ABHD17C: variants seen among roughly 807,000 people sequenced by gnomAD.
The protein encoded by ABHD17C is abhydrolase domain containing 17C, depalmitoylase, also known as alpha/beta hydrolase domain-containing protein 17C.
Under a neutral mutation model 27.9 loss-of-function variants are expected in ABHD17C, and 11 were observed. That is an observed-to-expected ratio of 0.39 (90% CI 0.25 to 0.65). ABHD17C has a LOEUF of 0.65. ABHD17C is among the 30% of genes least tolerant of loss of function. The probability of loss-of-function intolerance (pLI) is 0.45; values close to 1 mark genes in which losing one functional copy is unlikely to be tolerated. For synonymous variants in ABHD17C, 233 were observed against 209.1 expected (o/e 1.11, Z -0.98); for missense variants, 280 against 470.2 (o/e 0.60, Z 3.74).
intron 1 of ABHD17C, among the ~76,000 whole-genome samples, chr15:80,738,987 G>A (rs1195255320): frequency 6.6e-6 from 1 of 152,128 alleles, no homozygotes; most frequent in Non-Finnish European, 1.5e-5. Context: ...GCCAGAAAGG[G>A]GTGAGGATTG....
intron 1 of ABHD17C, among the ~76,000 whole-genome samples, chr15:80,710,225 A>G (rs1350429868): frequency 4.6e-5 from 7 of 152,202 alleles, no homozygotes; most frequent in Non-Finnish European, 8.8e-5. Flanking sequence ...GAGATCATCA[A>G]GGAAGCCAGC....
At chr15:80,741,438 ATTAAG>A (rs1053748516) in intron 1 of ABHD17C, among the ~76,000 whole-genome samples, 7 of 151,148 alleles carry the variant, frequency 4.6e-5, no homozygotes, top group Admixed American at 2.8e-4. Context: ...CTTTTTTCTT[ATTAAG>A]TTGAGAACTT....
intron 2 of ABHD17C, among the ~76,000 whole-genome samples, chr15:80,752,670 A>G (rs750503317): frequency 9.9e-5 from 15 of 152,236 alleles, no homozygotes; most frequent in Non-Finnish European, 1.8e-4. Flanking sequence ...ACTAATTGGT[A>G]TCCTTTTGTA....
chr15:80,748,047 A>C (rs568345032), intron 1 of ABHD17C, among the ~76,000 whole-genome samples: 4 of 152,282 alleles, frequency 2.6e-5, no homozygotes, highest in African/African-American at 9.6e-5. Flanking sequence ...TCTCCCATAG[A>C]AAGTCCTCAC....
chr15:80,719,598 T>C (rs1020189584), intron 1 of ABHD17C, among the ~76,000 whole-genome samples: 1 of 152,248 alleles, frequency 6.6e-6, no homozygotes, highest in Non-Finnish European at 1.5e-5. Flanking sequence ...GGGATATGTG[T>C]TATGCTAGAG....
intron 1 of ABHD17C, among the ~76,000 whole-genome samples, chr15:80,745,178 G>A (rs547945830): frequency 6.6e-6 from 1 of 152,148 alleles, no homozygotes; most frequent in Non-Finnish European, 1.5e-5. Context: ...CAACCCCCAG[G>A]AAGGACATCC....
At chr15:80,726,468 C>CCCTTCT (rs547527952) in intron 1 of ABHD17C, among the ~76,000 whole-genome samples, 173 of 147,936 alleles carry the variant, frequency 1.2e-3, no homozygotes, top group African/African-American at 4.2e-3. Context: ...CAAGGATTTT[C>CCCTTCT]CCTTCTCCCT....
At position 80,695,544 on chromosome 15, in the gene ABHD17C, G is replaced by T; in HGVS notation, c.115G>T (p.Glu39Ter). 7.4e-7 allele frequency: 1 copy of T among 1,352,668 alleles called. No homozygotes were observed. The highest frequency in any genetic ancestry group is 9.6e-7 in the Non-Finnish European group (1 of 1,038,140). The allele number at this position is 1,352,668 out of a possible 1,614,324, so 83.8% of individuals were successfully genotyped here. A position where few individuals can be genotyped will look rare whatever the true frequency, so the allele number is the denominator to read the frequency against. Residue 39 changes from glutamate (E) to a stop codon, truncating the protein, a stop_gained, in exon 1 of 3, where the codon GAG becomes TAG. Transcript: ENST00000258884. LOFTEE classifies it high-confidence loss of function. This position sits in a 1 kb window ranked among gnomAD's most constrained non-coding sequence, Gnocchi z 4.3. ...IAAKLAFLPP[E>*]PTYTVLAPEQ... ...CGCCAAGCTGGCCTTCCTGCCGCCC[G>T]AGCCCACCTACACGGTGCTGGCGCC...
intron 1 of ABHD17C, among the ~76,000 whole-genome samples, chr15:80,698,491 C>T (rs1261003777): frequency 6.6e-6 from 1 of 152,202 alleles, no homozygotes; most frequent in Non-Finnish European, 1.5e-5. Context: ...GGCGGCAAAT[C>T]AGCAGTAGGT....
intron 1 of ABHD17C, among the ~76,000 whole-genome samples, chr15:80,748,394 GTAA>G: frequency 6.6e-6 from 1 of 152,258 alleles, no homozygotes; most frequent in African/African-American, 2.4e-5. Context: ...AATTTACAAA[GTAA>G]CAGCGTTCCA....
intron 2 of ABHD17C, among the ~76,000 whole-genome samples, 157 bp downstream of exon 2, chr15:80,749,849 A>G (rs1337319212): frequency 1.3e-5 from 2 of 152,224 alleles, no homozygotes; most frequent in Non-Finnish European, 2.9e-5. Context: ...TATGACACAC[A>G]CTGTCCAGAG....
In ABHD17C at chr15:80,710,223, C is replaced by T. The variant is rs1286926600; in HGVS notation, c.590+14204C>T. 3.3e-5 allele frequency among the ~76,000 whole-genome samples: 5 copies of T among 152,178 alleles called. No homozygotes were observed. The Middle Eastern group carries it at 0.01, about 311-fold the overall frequency. ...CATGGTTGGCAGATGTAGAGATCAT[C>T]AAGGAAGCCAGCGGGGGGCTAGAGC... On this transcript the variant is annotated intron_variant, in intron 1 of 2. Transcript: ENST00000258884.
intron 1 of ABHD17C, among the ~76,000 whole-genome samples, chr15:80,705,367 G>GTGTGTGTGTGTGTGTGTGTGTGTGT (rs57722326): frequency 8.3e-4 from 124 of 150,144 alleles, no homozygotes; most frequent in South Asian, 1.3e-3. Context: ...GTGTGTGTGT[G>GTGTGTGTGTGTGTGTGTGTGTGTGT]GTTAGGAGCA....
At chr15:80,704,477 G>C (rs568182217) in intron 1 of ABHD17C, 1 of 140,788 alleles carries the variant, frequency 7.1e-6, no homozygotes, top group Non-Finnish European at 1.6e-5. Flanking sequence ...TGCATGGCGC[G>C]TGTGTAACAT....
At position 80,747,935 on chromosome 15, in the gene ABHD17C, G is replaced by A. The variant is rs150521150; in HGVS notation, c.591-1578G>A. 2.2e-4 allele frequency among the ~76,000 whole-genome samples: 34 copies of A among 152,190 alleles called. 1 individual carries two copies. Among genetic ancestry groups the A allele is most frequent in the Admixed American group, 2.0e-4 (3 of 15,278 alleles). The stretch of plus-strand genomic sequence containing the variant: ...ACACTCCAGTGGCCGTCATCTCCAG[G>A]ACAGCCCGTAACCCTTTAGCTTCCA... On this transcript the variant is annotated intron_variant, in intron 1 of 2. Coordinates refer to ENST00000258884, the MANE Select transcript of ABHD17C (RefSeq NM_021214.2).
intron 1 of ABHD17C, among the ~76,000 whole-genome samples, chr15:80,712,635 C>T (rs1894742916): frequency 6.6e-6 from 1 of 152,144 alleles, no homozygotes; most frequent in African/African-American, 2.4e-5. Flanking sequence ...AGGAGTGTGT[C>T]CATCTGTCAG....
chr15:80,724,036 C>G (rs1485473165), intron 1 of ABHD17C, among the ~76,000 whole-genome samples: 1 of 152,060 alleles, frequency 6.6e-6, no homozygotes, highest in Non-Finnish European at 1.5e-5. Context: ...AACCCTGTCT[C>G]TACTGAAAAT....
chr15:80,722,338 T>C (rs948591655), intron 1 of ABHD17C, among the ~76,000 whole-genome samples: 40 of 151,840 alleles, frequency 2.6e-4, no homozygotes, highest in Non-Finnish European at 3.2e-4. Flanking sequence ...TTTTTTTTTT[T>C]TAATGTTTCC....
At chr15:80,703,794 T>A (rs1596058990) in intron 1 of ABHD17C, among the ~76,000 whole-genome samples, 2 of 152,330 alleles carry the variant, frequency 1.3e-5, no homozygotes, top group East Asian at 3.9e-4. Flanking sequence ...TACATTTATA[T>A]ACAGCTATCC....
Sources: gnomAD v4.1 joint callset for allele counts (sites outside exome capture counted in the v4.1 genomes callset) on GRCh38, gnomAD v4.1.1 for gene constraint, Gnocchi (gnomAD v3.1) non-coding constraint, MANE v1.5 for transcripts, NCBI Gene and HGNC (gene_info 2026-07-23, HGNC 2026-07-21) for gene names.